The following CR1 variants were observed in gnomAD, a reference collection of about 807,000 sequenced individuals.
The protein encoded by CR1 is complement C3b/C4b receptor 1 (Knops blood group).
Under a neutral mutation model 187.3 loss-of-function variants are expected in CR1, and 116 were observed. The observed-to-expected ratio is 0.62, with a 90% CI of 0.53 to 0.72. CR1 has a LOEUF of 0.72. Among genes scored for constraint, CR1 ranks in the 30% least tolerant of loss-of-function variants. The probability of loss-of-function intolerance (pLI) is 0.00; values close to 1 mark genes in which losing one functional copy is unlikely to be tolerated. For synonymous variants in CR1, 576 were observed against 747.1 expected (o/e 0.77, Z 3.73); for missense variants, 1,731 against 2,110.7 (o/e 0.82, Z 3.52).
intron 1 of CR1, among the ~76,000 whole-genome samples, chr1:207,501,359 T>C (rs1403965382): frequency 2.6e-5 from 4 of 152,232 alleles, no homozygotes; most frequent in African/African-American, 9.6e-5. Context: ...TTATAAGTAA[T>C]CGAATTGTAC....
chr1:207,606,965 G>C (rs1258868529), intron 35 of CR1, among the ~76,000 whole-genome samples: 1 of 152,230 alleles, frequency 6.6e-6, no homozygotes, highest in East Asian at 1.9e-4. Context: ...TAACTGCAAG[G>C]TTTCTGAAAG....
chr1:207,607,424 A>G lies in CR1; in HGVS notation c.5896+88A>G, dbSNP rs1239204614. On this transcript the variant is annotated intron_variant, in intron 36 of 46. Transcript: ENST00000367049. ...AAAGAATAAATTGAATCCTTCTTGCACAAAGTAGTCTCTCAGATATTTGAA... is the reference window on the plus strand; with the variant it reads ...AAAGAATAAATTGAATCCTTCTTGCGCAAAGTAGTCTCTCAGATATTTGAA... 4 of 950,338 alleles carry G rather than the reference A, an allele frequency of 4.2e-6. No homozygotes were observed. The East Asian group carries it at 9.6e-5, about 23-fold the overall frequency. 58.9% of individuals were successfully genotyped at this position (950,338 alleles called of 1,614,324 possible).
At chr1:207,520,582 G>A (rs1265044556) in intron 4 of CR1, among the ~76,000 whole-genome samples, 1 of 152,138 alleles carries the variant, frequency 6.6e-6, no homozygotes, top group African/African-American at 2.4e-5. Context: ...CCCCCAGCCC[G>A]TAATAAAATC....
rs762557988 is a variant in CR1, at chr1:207,567,867, C to A, written c.3996C>A (p.His1332Gln). ...PSPPVIPNGR[H>Q]TGKPLEVFPF... The stretch of plus-strand genomic sequence containing the variant: ...CTCCAGTTATTCCTAATGGGAGACA[C>A]ACAGGAAAACCTCTGGAAGTCTTTC... Residue 1332 changes from histidine to glutamine, a missense_variant, in exon 25 of 47, where the codon CAC (histidine) becomes CAA (glutamine). Around this residue, in one of 5 missense-constraint regions of CR1, gnomAD observed 1,312 missense variants for 1,379.6 expected, o/e 0.95. Coordinates refer to ENST00000367049, the MANE Select transcript of CR1 (RefSeq NM_000651.6). 6 of 1,610,940 alleles carry A rather than the reference C, an allele frequency of 3.7e-6. No individual in the cohort carries two copies. The highest frequency in any genetic ancestry group is 5.1e-6 in the Non-Finnish European group (6 of 1,179,650).
chr1:207,504,789 G>A (rs564466158), intron 1 of CR1, among the ~76,000 whole-genome samples: 2 of 152,302 alleles, frequency 1.3e-5, no homozygotes, highest in East Asian at 1.9e-4. Flanking sequence ...GCCCATTTCT[G>A]AGGCATCTTT....
In CR1 at chr1:207,632,137, TTATC is replaced by T. The variant is rs143680176; in HGVS notation, c.7457+1518_7457+1521del. Among the ~76,000 whole-genome samples the T allele has an allele frequency of 9.2e-3, 1,397 of 152,374 alleles. 19 individuals carry two copies. Among genetic ancestry groups the T allele is most frequent in the Non-Finnish European group, 0.013 (867 of 68,038 alleles). ...AAATGAATTTGCAATGCCCTGTTTATTATCTGTCTTCCTAGTTGCTTTGCTTCTA... is the reference window on the plus strand; with the variant it reads ...AAATGAATTTGCAATGCCCTGTTTATTGTCTTCCTAGTTGCTTTGCTTCTA... On this transcript the variant is annotated intron_variant, in intron 46 of 46. Transcript: ENST00000367049.
intron 33 of CR1, among the ~76,000 whole-genome samples, chr1:207,586,318 T>C (rs1018617130): frequency 2.0e-5 from 3 of 152,214 alleles, no homozygotes; most frequent in African/African-American, 7.2e-5. Flanking sequence ...TTGTATTTTA[T>C]GTAGACCGGT....
intron 2 of CR1, 119 bp downstream of exon 2, chr1:207,506,202 A>G (rs560385988): frequency 1.7e-6 from 2 of 1,174,896 alleles, no homozygotes; most frequent in African/African-American, 3.1e-5. Context: ...GGTGCAATAC[A>G]TATGAGAATT....
intron 4 of CR1, among the ~76,000 whole-genome samples, chr1:207,512,786 T>C (rs574122447): frequency 6.6e-6 from 1 of 152,304 alleles, no homozygotes; most frequent in Non-Finnish European, 1.5e-5. Context: ...CCTGGAAATA[T>C]GAAAAAGATT....
chr1:207,496,936 A>C (rs115050353), intron 1 of CR1, among the ~76,000 whole-genome samples: 6,778 of 152,234 alleles, frequency 0.045, 219 homozygotes, highest in Middle Eastern at 0.11. Flanking sequence ...GTCCATTTCT[A>C]TCCCCCAACC....
intron 45 of CR1, among the ~76,000 whole-genome samples, chr1:207,625,062 A>G (rs1463183047): frequency 3.9e-5 from 6 of 152,170 alleles, no homozygotes; most frequent in Admixed American, 3.9e-4. Flanking sequence ...CCCAAGCCTA[A>G]CTATTGATTT....
At chr1:207,515,144 T>C (rs12132344) in intron 4 of CR1, among the ~76,000 whole-genome samples, 6 of 129,590 alleles carry the variant, frequency 4.6e-5, no homozygotes, top group South Asian at 4.8e-4. Context: ...TATACGTGTA[T>C]ACGTATATAT....
At position 207,580,407 on chromosome 1, in the gene CR1, A is replaced by C; in HGVS notation, c.5104A>C (p.Arg1702=). The change falls in exon 30 of 47, where the codon AGA becomes CGA. Residue 1702 remains arginine, a synonymous_variant. Transcript: ENST00000367049. The part of the protein sequence containing the change: ...PQGDWSPEAP[R]CAVKSCDDFL... ...GGGAGACTGGAGCCCTGAAGCCCCG[A>C]GATGTGCAGGTGCCTCAACTCTCTG... 6.2e-7 allele frequency: 1 copy of C among 1,613,664 alleles called. No individual in the cohort carries two copies. Among genetic ancestry groups the C allele is most frequent in the Non-Finnish European group, 8.5e-7 (1 of 1,179,786 alleles).
intron 4 of CR1, among the ~76,000 whole-genome samples, chr1:207,522,670 CT>C (rs1660034049): frequency 6.6e-6 from 1 of 152,146 alleles, no homozygotes; most frequent in Non-Finnish European, 1.5e-5. Context: ...TATTTCTAGC[CT>C]TTCTTGAGGG....
chr1:207,601,196 A>G (rs956235140), intron 35 of CR1, among the ~76,000 whole-genome samples: 1 of 152,114 alleles, frequency 6.6e-6, no homozygotes, highest in Admixed American at 6.5e-5. Context: ...TTCACAAAAT[A>G]ACAATTCTAT....
chr1:207,574,663 A>T (rs1166818116), intron 27 of CR1, among the ~76,000 whole-genome samples: 1 of 152,346 alleles, frequency 6.6e-6, no homozygotes, highest in East Asian at 1.9e-4. Flanking sequence ...AGAAAATGTG[A>T]GACAGCAAGA....
chr1:207,606,759 T>G (rs1309867117), intron 35 of CR1, among the ~76,000 whole-genome samples: 1 of 152,202 alleles, frequency 6.6e-6, no homozygotes, highest in Non-Finnish European at 1.5e-5. Context: ...GGTGTTTAGC[T>G]GTCTCTTCTG....
At chr1:207,504,603 G>A (rs1011793326) in intron 1 of CR1, among the ~76,000 whole-genome samples, 4 of 152,006 alleles carry the variant, frequency 2.6e-5, no homozygotes, top group African/African-American at 9.7e-5. Context: ...TTACAAGAAA[G>A]AATTATACAT....
At chr1:207,511,764 C>A in intron 4 of CR1, 110 bp downstream of exon 4, 1 of 1,015,350 alleles carries the variant, frequency 9.8e-7, no homozygotes, top group Non-Finnish European at 1.5e-6. Context: ...CTTCACACGG[C>A]TGAAGACTGC....
Sources: allele counts gnomAD v4.1 joint callset (sites outside exome capture counted in the v4.1 genomes callset), GRCh38; gene constraint gnomAD v4.1.1; regional missense constraint gnomAD v4.1.1; transcripts MANE v1.5; gene names NCBI Gene and HGNC (gene_info 2026-07-23, HGNC 2026-07-21).